The following MAD1L1 variants were observed in gnomAD, a reference collection of about 807,000 sequenced individuals.
MAD1L1 encodes the protein mitotic spindle assembly checkpoint protein MAD1.
Under a neutral mutation model 96.9 loss-of-function variants are expected in MAD1L1, and 95 were observed. That is an observed-to-expected ratio of 0.98 (90% confidence interval 0.83 to 1.16). The LOEUF (loss-of-function observed/expected upper bound fraction) is 1.16. MAD1L1 is among the 50% of genes most tolerant of loss of function. The pLI is 0.00. For synonymous variants in MAD1L1, 473 were observed against 396.6 expected (o/e 1.19, Z -2.29); for missense variants, 1,007 against 954.4 (o/e 1.06, Z -0.73).
At chr7:2,060,429 CG>C (rs1411313427) in intron 12 of MAD1L1, among the ~76,000 whole-genome samples, 1 of 151,814 alleles carries the variant, frequency 6.6e-6, no homozygotes, top group Non-Finnish European at 1.5e-5. Context: ...TGAGATACGC[CG>C]ATGCTGAGAT....
At chr7:1,993,131 T>A (rs1382786965) in intron 14 of MAD1L1, among the ~76,000 whole-genome samples, 1 of 152,154 alleles carries the variant, frequency 6.6e-6, no homozygotes, top group African/African-American at 2.4e-5. Context: ...CTGCTCTGAG[T>A]CTGAAGTGCC....
rs558454155 is a variant in MAD1L1 at position 1,908,492 on chromosome 7, C to T, written c.1808-10102G>A. Among the ~76,000 whole-genome samples, 54 of 152,328 alleles carry T rather than the reference C, an allele frequency of 3.5e-4. No homozygotes were observed. The Middle Eastern group carries it at 0.014, about 38-fold the overall frequency. On this transcript the variant is annotated intron_variant, in intron 17 of 18. Transcript: ENST00000265854. ...GAACTCCGGGGCTCAAGCAATCCTC[C>T]CACCTCAGCTTCCCAAGTAGCTGGG...
intron 7 of MAD1L1, 46 bp downstream of exon 7, chr7:2,217,915 AG>A: frequency 6.6e-7 from 1 of 1,520,346 alleles, no homozygotes; most frequent in South Asian, 1.1e-5. Flanking sequence ...AGGAGAGTCA[AG>A]GCCACCACAG....
intron 13 of MAD1L1, among the ~76,000 whole-genome samples, chr7:2,013,395 G>C (rs369267592): frequency 9.2e-5 from 14 of 152,384 alleles, no homozygotes; most frequent in African/African-American, 3.4e-4. Context: ...ACAGAGCTCG[G>C]CTGTTCAGCT....
chr7:1,847,569 G>A (rs779211902), intron 18 of MAD1L1: 2 of 471,080 alleles, frequency 4.2e-6, no homozygotes, highest in East Asian at 6.9e-5. Flanking sequence ...AGCTGCCTTC[G>A]GCCCATGTTC....
intron 10 of MAD1L1, among the ~76,000 whole-genome samples, chr7:2,165,464 C>A (rs1248102805): frequency 6.6e-6 from 1 of 151,678 alleles, no homozygotes; most frequent in Non-Finnish European, 1.5e-5. Flanking sequence ...CCCACGGTCA[C>A]ACTCTGGGAT....
intron 12 of MAD1L1, among the ~76,000 whole-genome samples, chr7:2,056,962 G>A (rs866283391): frequency 3.9e-5 from 6 of 152,202 alleles, no homozygotes; most frequent in African/African-American, 1.4e-4. Flanking sequence ...GCCCCACCAC[G>A]GTCTAGCACG....
At chr7:1,852,443 AGT>A in intron 18 of MAD1L1, among the ~76,000 whole-genome samples, 1 of 152,162 alleles carries the variant, frequency 6.6e-6, no homozygotes, top group South Asian at 2.1e-4. Flanking sequence ...CACTGGGGGG[AGT>A]CCAGGCTCAG....
Position 1,904,914 on chromosome 7 carries a change from A to C in MAD1L1, c.1808-6524T>G, listed in dbSNP as rs1227626696. On this transcript the variant is annotated intron_variant, in intron 17 of 18. Coordinates refer to ENST00000265854, the MANE Select transcript of MAD1L1 (RefSeq NM_001013836.2). The stretch of plus-strand genomic sequence containing the variant: ...CCAGGCAGCAAGGATGCAGTCGCCT[A>C]TGGAAGACGTTCTTGTGGAACTCAT... Among the ~76,000 whole-genome samples the C allele has an allele frequency of 1.1e-4, 10 of 92,766 alleles. 3 individuals are homozygous for C. Among genetic ancestry groups the C allele is most frequent in the Non-Finnish European group, 1.3e-4 (6 of 44,876 alleles). The allele number at this position is 92,766 out of a possible 152,430, so 60.9% of individuals were successfully genotyped here.
At chr7:2,062,650 G>A (rs772436246) in intron 12 of MAD1L1, among the ~76,000 whole-genome samples, 3 of 152,094 alleles carry the variant, frequency 2.0e-5, no homozygotes, top group Non-Finnish European at 4.4e-5. Context: ...AACCAGGCAC[G>A]AGGGTCTTGC....
chr7:1,918,486 C>A (rs533729494), intron 17 of MAD1L1, among the ~76,000 whole-genome samples: 9 of 152,304 alleles, frequency 5.9e-5, no homozygotes, highest in Middle Eastern at 3.4e-3. Context: ...GCTCCGAGGC[C>A]CAGGCCGGGT....
intron 12 of MAD1L1, among the ~76,000 whole-genome samples, chr7:2,026,772 C>T (rs573874962): frequency 3.3e-5 from 5 of 152,260 alleles, no homozygotes; most frequent in East Asian, 3.9e-4. Flanking sequence ...CACATCAAAA[C>T]GTACGGTATG....
chr7:2,169,887 G>A (rs1423511304), intron 10 of MAD1L1, among the ~76,000 whole-genome samples: 1 of 129,374 alleles, frequency 7.7e-6, no homozygotes, highest in Admixed American at 7.9e-5. Context: ...GGGTGGAGGG[G>A]TCGGCCAGGA....
intron 10 of MAD1L1, among the ~76,000 whole-genome samples, chr7:2,210,279 C>T (rs1038005953): frequency 6.6e-6 from 1 of 152,140 alleles, no homozygotes; most frequent in Non-Finnish European, 1.5e-5. Flanking sequence ...CTGCGTTCCC[C>T]AGGCTGATCT....
chr7:2,104,482 G>A (rs373952489), intron 11 of MAD1L1, among the ~76,000 whole-genome samples: 9 of 152,330 alleles, frequency 5.9e-5, no homozygotes, highest in East Asian at 5.8e-4. Flanking sequence ...GGGCGGCTGC[G>A]GCACCTGGAC....
chr7:2,067,835 C>G (rs944493043), intron 12 of MAD1L1, among the ~76,000 whole-genome samples: 10 of 152,204 alleles, frequency 6.6e-5, no homozygotes, highest in African/African-American at 2.4e-4. Flanking sequence ...TGCGGCACCA[C>G]CACGGCGTCC....
intron 15 of MAD1L1, among the ~76,000 whole-genome samples, chr7:1,966,894 G>A (rs746119240): frequency 3.3e-5 from 5 of 152,264 alleles, no homozygotes; most frequent in Admixed American, 1.3e-4. Context: ...GGACCCACCC[G>A]AGGGAAACCG....
chr7:1,849,791 C>T (rs1583550994), intron 18 of MAD1L1: 1 of 127,182 alleles, frequency 7.9e-6, no homozygotes, highest in Admixed American at 8.6e-5. Context: ...GGGAAGGTGA[C>T]CCCGCAGTGG....
chr7:1,921,569 C>T lies in MAD1L1; in HGVS notation c.1807+15118G>A, dbSNP rs114691834. On this transcript the variant is annotated intron_variant, in intron 17 of 18. Transcript: ENST00000265854. ...AACTCCCGACCTCAGGTGATCCACC[C>T]GCCTCAGCCTCAGTGCTGGGATTAC... Among the ~76,000 whole-genome samples, 1,198 of 152,254 alleles carry T rather than the reference C, an allele frequency of 7.9e-3. 15 individuals are homozygous for T. Among genetic ancestry groups the T allele is most frequent in the African/African-American group, 0.028 (1,161 of 41,540 alleles).
Sources: gnomAD v4.1 joint callset for allele counts (sites outside exome capture counted in the v4.1 genomes callset) on GRCh38, gnomAD v4.1.1 for gene constraint, MANE v1.5 for transcripts, NCBI Gene and HGNC (gene_info 2026-07-23, HGNC 2026-07-21) for gene names.